Variants in DYNC1LI1 observed in about 807,000 individuals in gnomAD.
DYNC1LI1 encodes cytoplasmic dynein 1 light intermediate chain 1.
Under a neutral mutation model 63.8 loss-of-function variants are expected in DYNC1LI1, and 19 were observed. The ratio of observed to expected loss-of-function variants is 0.30; its 90% CI spans 0.21 to 0.44. The LOEUF (loss-of-function observed/expected upper bound fraction) is 0.44, where lower values mean the gene tolerates loss of function less well. DYNC1LI1 is among the 20% of genes least tolerant of loss of function. DYNC1LI1 has a pLI of 1.00. For synonymous variants in DYNC1LI1, 225 were observed against 232.3 expected (o/e 0.97, Z 0.28); for missense variants, 565 against 630.2 (o/e 0.90, Z 1.11).
chr3:32,529,726 T>G, intron 10 of DYNC1LI1, 66 bp from the exon 11 acceptor site: 1 of 1,409,308 alleles, frequency 7.1e-7, no homozygotes, highest in Non-Finnish European at 9.6e-7. Flanking sequence ...AAGTTATTAT[T>G]GTAAAAAGAA....
At chr3:32,534,321 C>G (rs1299535318) in intron 7 of DYNC1LI1, among the ~76,000 whole-genome samples, 190 bp downstream of exon 7, 1 of 152,100 alleles carries the variant, frequency 6.6e-6, no homozygotes, top group Non-Finnish European at 1.5e-5. Context: ...CTCAGGCCAG[C>G]AGTAAATCTA....
intron 8 of DYNC1LI1, chr3:32,532,662 A>T (rs751362557): frequency 5.2e-6 from 1 of 191,100 alleles, no homozygotes; most frequent in Non-Finnish European, 1.0e-5. Context: ...CACAGCTTCT[A>T]CCTATTCAAA....
intron 2 of DYNC1LI1, among the ~76,000 whole-genome samples, chr3:32,565,599 T>C (rs1698247572): frequency 6.6e-6 from 1 of 152,176 alleles, no homozygotes; most frequent in African/African-American, 2.4e-5. Context: ...CTCGGGGAGC[T>C]AGGCTGCACA....
In DYNC1LI1 at chr3:32,570,728, G is replaced by A. The variant is rs755049982; in HGVS notation, c.43C>T (p.Pro15Ser). ...CCAGTGTAAGTCGAGGATAATCCCG[G>A]CGGAGAAGAACCGAAGGAGCCGACT... ...GRVGSFGSSP[P>S]GLSSTYTGGP... Residue 15 changes from proline (P) to serine (S), a missense_variant, in exon 1 of 13, where the codon CCG becomes TCG. Physicochemically the swap from Pro to Ser is moderately conservative, Grantham distance 74. Coordinates refer to ENST00000273130, the MANE Select transcript of DYNC1LI1 (RefSeq NM_016141.4). 2.5e-6 allele frequency: 4 copies of A among 1,608,666 alleles called. No homozygotes were observed. The highest frequency in any genetic ancestry group is 3.4e-6 in the Non-Finnish European group (4 of 1,177,536).
intron 2 of DYNC1LI1, among the ~76,000 whole-genome samples, chr3:32,560,103 G>A (rs1156623796): frequency 6.6e-6 from 1 of 152,168 alleles, no homozygotes; most frequent in Admixed American, 6.6e-5. Context: ...AACATGTCAA[G>A]GGGTGCCTGT....
chr3:32,534,479 T>C, intron 7 of DYNC1LI1, 32 bp downstream of exon 7: 1 of 1,465,526 alleles, frequency 6.8e-7, no homozygotes, highest in Non-Finnish European at 9.3e-7. Flanking sequence ...CAATAATACA[T>C]GATAAAATTA....
At chr3:32,568,109 T>G (rs1299370417) in intron 2 of DYNC1LI1, among the ~76,000 whole-genome samples, 1 of 152,190 alleles carries the variant, frequency 6.6e-6, no homozygotes, top group Non-Finnish European at 1.5e-5. Context: ...ATGCTGGGAT[T>G]ACAGGCGTGG....
intron 10 of DYNC1LI1, among the ~76,000 whole-genome samples, chr3:32,530,058 C>A (rs372624905): frequency 6.6e-6 from 1 of 152,050 alleles, no homozygotes; most frequent in Admixed American, 6.6e-5. Flanking sequence ...CCTCATAAGG[C>A]GGTTGTGAGA....
intron 2 of DYNC1LI1, among the ~76,000 whole-genome samples, chr3:32,546,353 A>G (rs1400592881): frequency 6.6e-6 from 1 of 152,164 alleles, no homozygotes; most frequent in Non-Finnish European, 1.5e-5. Context: ...GGTTGCAGTG[A>G]GCCAAGATTG....
intron 2 of DYNC1LI1, among the ~76,000 whole-genome samples, chr3:32,566,940 G>GA (rs1698268420): frequency 6.6e-6 from 1 of 152,146 alleles, no homozygotes; most frequent in Non-Finnish European, 1.5e-5. Context: ...TTTCAAGAAA[G>GA]AAGAGTTAAT....
intron 2 of DYNC1LI1, among the ~76,000 whole-genome samples, chr3:32,567,841 T>C (rs1211960929): frequency 1.3e-5 from 2 of 151,918 alleles, no homozygotes; most frequent in South Asian, 2.1e-4. Flanking sequence ...GTAACTGGGA[T>C]TACAGGTGTG....
At position 32,537,900 on chromosome 3, in the gene DYNC1LI1, AATATATATATATAAT is replaced by A. The variant is rs1697798031; in HGVS notation, c.739-811_739-797del. ...ATATATATATATAATTTATATATAT[AATATATATATATAAT>A]TTATATATATAATATATATATAATA... On this transcript the variant is annotated intron_variant, in intron 5 of 12. Transcript: ENST00000273130. 3.0e-4 allele frequency among the ~76,000 whole-genome samples: 19 copies of A among 64,348 alleles called. 3 individuals are homozygous for A. The highest frequency in any genetic ancestry group is 1.4e-3 in the African/African-American group (19 of 13,596). 42.2% of individuals were successfully genotyped at this position (64,348 alleles called of 152,430 possible).
At chr3:32,546,040 GA>G in intron 2 of DYNC1LI1, 75 bp from the exon 3 acceptor site, 1 of 1,014,860 alleles carries the variant, frequency 9.9e-7, no homozygotes, top group Non-Finnish European at 1.5e-6. Context: ...AGTACCAAGT[GA>G]AAAACCCAAC....
At chr3:32,560,684 C>T (rs1012441787) in intron 2 of DYNC1LI1, among the ~76,000 whole-genome samples, 15 of 151,914 alleles carry the variant, frequency 9.9e-5, no homozygotes, top group African/African-American at 2.4e-4. Context: ...CTTACTCCCA[C>T]GGGCTGTCTA....
intron 10 of DYNC1LI1, 124 bp downstream of exon 10, chr3:32,530,157 CAGA>C (rs940634593): frequency 1.4e-5 from 11 of 790,498 alleles, no homozygotes; most frequent in East Asian, 8.4e-5. Flanking sequence ...TCACAAATTA[CAGA>C]AGAATTCTGA....
At chr3:32,564,812 AAT>A (rs1215751804) in intron 2 of DYNC1LI1, among the ~76,000 whole-genome samples, 1 of 152,192 alleles carries the variant, frequency 6.6e-6, no homozygotes, top group East Asian at 1.9e-4. Context: ...TCACCAAATC[AAT>A]AGTTTTAGAC....
chr3:32,570,790 A>T lies in DYNC1LI1; in HGVS notation c.-20T>A, dbSNP rs1192596042. The stretch of plus-strand genomic sequence containing the variant: ...CGCCATCTTGGTCGGGAATCACACC[A>T]CTCCCGGCAAGACTAAATGTGCGAG... On this transcript the variant is annotated 5_prime_UTR_variant, in exon 1 of 13. Coordinates refer to ENST00000273130, the MANE Select transcript of DYNC1LI1 (RefSeq NM_016141.4). The T allele has an allele frequency of 6.3e-7, 1 of 1,587,834 alleles. No individual in the cohort carries two copies.
In DYNC1LI1 at chr3:32,538,082, A is replaced by T. The variant is rs867916867; in HGVS notation, c.739-978T>A. Among the ~76,000 whole-genome samples the T allele has an allele frequency of 7.2e-4, 66 of 92,294 alleles. 2 individuals carry two copies. Among genetic ancestry groups the T allele is most frequent in the South Asian group, 4.8e-3 (17 of 3,570 alleles). The allele number at this position is 92,294 out of a possible 152,430, so 60.5% of individuals were successfully genotyped here. On this transcript the variant is annotated intron_variant, in intron 5 of 12. Coordinates refer to ENST00000273130, the MANE Select transcript of DYNC1LI1 (RefSeq NM_016141.4). The stretch of plus-strand genomic sequence containing the variant: ...ATATAATTTATTATATATATATATA[A>T]AATTTATATATATATATAAAATAGC...
chr3:32,564,103 C>T (rs1698228099), intron 2 of DYNC1LI1, among the ~76,000 whole-genome samples: 1 of 152,176 alleles, frequency 6.6e-6, no homozygotes, highest in Non-Finnish European at 1.5e-5. Flanking sequence ...GAGTTGGGGA[C>T]CAGCCTGGGC....
Sources: allele counts gnomAD v4.1 joint callset (sites outside exome capture counted in the v4.1 genomes callset), GRCh38; gene constraint gnomAD v4.1.1; transcripts MANE v1.5; gene names NCBI Gene and HGNC (gene_info 2026-07-23, HGNC 2026-07-21).